The following TCF4 variants were observed in gnomAD, a reference collection of about 807,000 sequenced individuals.
TCF4 encodes SL3-3 enhancer factor 2.
Under a neutral mutation model 82.1 loss-of-function variants are expected in TCF4, and 3 were observed. That is an observed-to-expected ratio of 0.04 (90% confidence interval 0.02 to 0.09). The LOEUF (loss-of-function observed/expected upper bound fraction) is 0.09. Ranked by LOEUF, TCF4 falls within the 10% of genes least tolerant of loss-of-function variation. The pLI is 1.00. For synonymous variants in TCF4, 276 were observed against 309.6 expected, an observed-to-expected ratio of 0.89 and a Z score of 1.14; for missense variants, 518 against 852.7, an observed-to-expected ratio of 0.61 and a Z score of 4.89.
intron 1 of TCF4, chr18:55,635,593 G>T: frequency 7.3e-7 from 1 of 1,365,870 alleles, no homozygotes; most frequent in Non-Finnish European, 9.7e-7. Context: ...CAGGGAGAGA[G>T]GTTAGAGAGC....
At chr18:55,557,258 C>CACACAG (rs924224823) in intron 3 of TCF4, among the ~76,000 whole-genome samples, 7 of 148,782 alleles carry the variant, frequency 4.7e-5, no homozygotes, top group African/African-American at 1.2e-4. Flanking sequence ...GACACACAGA[C>CACACAG]ACACAGACAC....
intron 11 of TCF4, among the ~76,000 whole-genome samples, 177 bp from the exon 12 acceptor site, chr18:55,261,710 T>C (rs1241733151): frequency 6.6e-6 from 1 of 152,220 alleles, no homozygotes; most frequent in East Asian, 1.9e-4. Flanking sequence ...CATGTTACTT[T>C]TTTACAGATA....
rs35704472 is a variant in TCF4, at chr18:55,360,731, C to CT, written c.370-9729dup. Among the ~76,000 whole-genome samples the CT allele has an allele frequency of 3.9e-3, 290 of 74,242 alleles. 1 individual carries two copies. The highest frequency in any genetic ancestry group is 0.014 in the Middle Eastern group (2 of 138). The allele number at this position is 74,242 out of a possible 152,430, so 48.7% of individuals were successfully genotyped here. The stretch of plus-strand genomic sequence containing the variant: ...AGCCATAATTTGCCCGCCCCCCACC[C>CT]TTTTTTTTTTTTTTTTGAGAGAAGT... On this transcript the variant is annotated intron_variant, in intron 6 of 19. Transcript: ENST00000354452.
chr18:55,453,964 G>A (rs192334387), intron 5 of TCF4, among the ~76,000 whole-genome samples: 192 of 152,152 alleles, frequency 1.3e-3, no homozygotes, highest in African/African-American at 3.9e-3. Context: ...CCAGCCTCCA[G>A]TAGTCCTTCC....
At chr18:55,315,561 C>T (rs751313894) in intron 8 of TCF4, among the ~76,000 whole-genome samples, 2 of 152,078 alleles carry the variant, frequency 1.3e-5, no homozygotes, top group Non-Finnish European at 1.5e-5. Flanking sequence ...AAGTGGAGTT[C>T]ATGTATAATT....
At chr18:55,346,301 T>A (rs1488721402) in intron 8 of TCF4, among the ~76,000 whole-genome samples, 2 of 152,184 alleles carry the variant, frequency 1.3e-5, no homozygotes, top group Non-Finnish European at 2.9e-5. Context: ...ACCTACTGAT[T>A]AACTAATGTC....
chr18:55,576,024 T>A (rs1187394196), intron 3 of TCF4, among the ~76,000 whole-genome samples: 1 of 152,178 alleles, frequency 6.6e-6, no homozygotes, highest in Non-Finnish European at 1.5e-5. Context: ...AAAATTATAA[T>A]GATGAATTTT....
At chr18:55,234,481 G>T in intron 16 of TCF4, 67 bp downstream of exon 16, 4 of 1,603,674 alleles carry the variant, frequency 2.5e-6, no homozygotes, top group Middle Eastern at 1.7e-4. Context: ...AACACCAAGA[G>T]GCTGGGTATC....
At chr18:55,530,615 A>T (rs2097052069) in intron 3 of TCF4, among the ~76,000 whole-genome samples, 1 of 152,090 alleles carries the variant, frequency 6.6e-6, no homozygotes, top group Non-Finnish European at 1.5e-5. Flanking sequence ...GACTGCTTAG[A>T]AAGTTTTTTT....
intron 3 of TCF4, among the ~76,000 whole-genome samples, chr18:55,543,054 T>C (rs2097177932): frequency 6.6e-6 from 1 of 152,052 alleles, no homozygotes; most frequent in African/African-American, 2.4e-5. Flanking sequence ...TTACAGAGGC[T>C]CAAAGAAGTT....
intron 6 of TCF4, chr18:55,401,066 G>C (rs930286720): frequency 1.0e-4 from 130 of 1,288,960 alleles, no homozygotes; most frequent in Non-Finnish European, 1.3e-4. Flanking sequence ...CCAAGATACT[G>C]AGATTTTGCC....
intron 3 of TCF4, among the ~76,000 whole-genome samples, chr18:55,577,926 G>A (rs1305248025): frequency 6.6e-6 from 1 of 151,976 alleles, no homozygotes; most frequent in African/African-American, 2.4e-5. Context: ...GTTTGTAATG[G>A]AAATGCTGAC....
chr18:55,464,663 G>C (rs2095967549), intron 3 of TCF4, among the ~76,000 whole-genome samples: 1 of 152,036 alleles, frequency 6.6e-6, no homozygotes, highest in African/African-American at 2.4e-5. Flanking sequence ...GCACATTACA[G>C]GGATATTAGG....
At chr18:55,394,932 T>C (rs997067326) in intron 6 of TCF4, among the ~76,000 whole-genome samples, 9 of 152,192 alleles carry the variant, frequency 5.9e-5, no homozygotes, top group African/African-American at 2.2e-4. Flanking sequence ...GACTCAACGA[T>C]ATATGCTTCT....
chr18:55,567,565 T>C (rs2097420552), intron 3 of TCF4, among the ~76,000 whole-genome samples: 1 of 152,018 alleles, frequency 6.6e-6, no homozygotes, highest in African/African-American at 2.4e-5. Flanking sequence ...ATACAAAAAT[T>C]AGCTGGGTGT....
At chr18:55,367,532 T>C (rs1015346357) in intron 6 of TCF4, among the ~76,000 whole-genome samples, 1 of 152,232 alleles carries the variant, frequency 6.6e-6, no homozygotes, top group African/African-American at 2.4e-5. Flanking sequence ...GTGCCTATGA[T>C]GTCTTTAGAG....
intron 2 of TCF4, among the ~76,000 whole-genome samples, chr18:55,627,340 G>A (rs770259978): frequency 1.5e-4 from 23 of 152,148 alleles, no homozygotes; most frequent in Non-Finnish European, 3.1e-4. Flanking sequence ...AGGCATTATG[G>A]TGCAGTAGAG....
intron 3 of TCF4, among the ~76,000 whole-genome samples, chr18:55,503,181 A>G (rs1382304955): frequency 6.6e-6 from 1 of 152,214 alleles, no homozygotes; most frequent in Non-Finnish European, 1.5e-5. Flanking sequence ...ACAAAACAAA[A>G]TAATTTAGTT....
chr18:55,489,671 C>T (rs1016337150), intron 3 of TCF4, among the ~76,000 whole-genome samples: 1 of 152,144 alleles, frequency 6.6e-6, no homozygotes, highest in Non-Finnish European at 1.5e-5. Context: ...TTCCACAAGG[C>T]AATCTGCATC....
Sources: allele counts gnomAD v4.1 joint callset (sites outside exome capture counted in the v4.1 genomes callset), GRCh38; gene constraint gnomAD v4.1.1; transcripts MANE v1.5; gene names NCBI Gene and HGNC (gene_info 2026-07-23, HGNC 2026-07-21).